ROBO1: variants seen among roughly 807,000 people sequenced by gnomAD.
ROBO1 encodes roundabout homolog 1.
In ROBO1, 149 loss-of-function variants were observed where a neutral mutation model predicts 195.9. That is an observed-to-expected ratio of 0.76 (90% CI 0.67 to 0.87). The LOEUF (loss-of-function observed/expected upper bound fraction) is 0.87. ROBO1 is among the 40% of genes least tolerant of loss of function. ROBO1 has a pLI of 0.00. For synonymous variants in ROBO1, 816 were observed against 733.2 expected (o/e 1.11, Z -1.82); for missense variants, 1,933 against 2,068.3 (o/e 0.93, Z 1.27).
chr3:79,311,772 A>C (rs2033496383), intron 2 of ROBO1, among the ~76,000 whole-genome samples: 1 of 152,114 alleles, frequency 6.6e-6, no homozygotes, highest in African/African-American at 2.4e-5. Context: ...CAGCATAGTA[A>C]ATCTACAAGG....
chr3:79,711,932 T>TGG (rs887380107), intron 1 of ROBO1, among the ~76,000 whole-genome samples: 3 of 129,108 alleles, frequency 2.3e-5, no homozygotes, highest in Non-Finnish European at 3.3e-5. Flanking sequence ...GGCGGGTGGG[T>TGG]GGGGGAGCAC....
chr3:79,291,703 C>A (rs1339698441), intron 2 of ROBO1, among the ~76,000 whole-genome samples: 4 of 152,106 alleles, frequency 2.6e-5, no homozygotes, highest in Non-Finnish European at 5.9e-5. Context: ...TTATATAAAT[C>A]CTTGTGAATT....
At chr3:78,658,631 C>T (rs971877312) in intron 17 of ROBO1, among the ~76,000 whole-genome samples, 1 of 152,152 alleles carries the variant, frequency 6.6e-6, no homozygotes, top group Non-Finnish European at 1.5e-5. Context: ...ATACCATTAA[C>T]TTTAAGTAGA....
At chr3:79,196,521 G>A (rs947502381) in intron 2 of ROBO1, among the ~76,000 whole-genome samples, 1 of 151,716 alleles carries the variant, frequency 6.6e-6, no homozygotes, top group African/African-American at 2.4e-5. Context: ...GGCTCACAGA[G>A]TTCTTCTCAA....
At chr3:79,151,680 T>A (rs927488203) in intron 2 of ROBO1, among the ~76,000 whole-genome samples, 1 of 151,826 alleles carries the variant, frequency 6.6e-6, no homozygotes, top group Admixed American at 6.6e-5. Flanking sequence ...GCCTGCAACA[T>A]CTTTCACACC....
chr3:78,929,803 C>T (rs1178050585), intron 4 of ROBO1, among the ~76,000 whole-genome samples: 1 of 152,072 alleles, frequency 6.6e-6, no homozygotes, highest in African/African-American at 2.4e-5. Flanking sequence ...CTGTGCTTGA[C>T]CGAGAAACAA....
intron 1 of ROBO1, among the ~76,000 whole-genome samples, chr3:79,646,426 T>C (rs559710611): frequency 6.6e-6 from 1 of 152,230 alleles, no homozygotes; most frequent in Non-Finnish European, 1.5e-5. Flanking sequence ...CTAACGAGCA[T>C]GTGGAGAAAG....
intron 8 of ROBO1, among the ~76,000 whole-genome samples, chr3:78,689,162 G>C (rs2081115891): frequency 6.6e-6 from 1 of 152,072 alleles, no homozygotes; most frequent in Non-Finnish European, 1.5e-5. Context: ...GATGCAGGCA[G>C]GTCTTAAAAT....
intron 2 of ROBO1, among the ~76,000 whole-genome samples, chr3:79,478,855 T>A (rs1938680624): frequency 6.6e-6 from 1 of 152,206 alleles, no homozygotes; most frequent in South Asian, 2.1e-4. Context: ...TGAGATTTTT[T>A]AACTGCTAGG....
intron 1 of ROBO1, among the ~76,000 whole-genome samples, chr3:79,762,339 T>G (rs2107525846): frequency 6.6e-6 from 1 of 152,182 alleles, no homozygotes; most frequent in Non-Finnish European, 1.5e-5. Context: ...TCTAGTCATC[T>G]CCCAAAGGCC....
intron 1 of ROBO1, among the ~76,000 whole-genome samples, chr3:79,671,813 C>A (rs1946640934): frequency 2.0e-5 from 3 of 151,776 alleles, no homozygotes; most frequent in Admixed American, 6.6e-5. Context: ...TAACAGATGC[C>A]AATTAGCATA....
At chr3:78,655,770 T>C (rs1236291831) in intron 18 of ROBO1, among the ~76,000 whole-genome samples, 3 of 152,218 alleles carry the variant, frequency 2.0e-5, no homozygotes, top group African/African-American at 7.2e-5. Flanking sequence ...TAGTATGTAA[T>C]TGTGAATTAC....
intron 2 of ROBO1, among the ~76,000 whole-genome samples, chr3:79,336,735 A>G (rs1173812824): frequency 6.6e-6 from 1 of 152,168 alleles, no homozygotes; most frequent in Admixed American, 6.5e-5. Context: ...CAAGAATGGT[A>G]GATACATTGA....
rs544305688 is a variant in ROBO1, at chr3:78,691,370, T to C, written c.1046-2598A>G. ...ATCATTTATGTTCAGGGGTAAAAATTTGGAAAATTAGACAAAGGGAAGAAA... is the reference window on the plus strand; with the variant it reads ...ATCATTTATGTTCAGGGGTAAAAATCTGGAAAATTAGACAAAGGGAAGAAA... On this transcript the variant is annotated intron_variant, in intron 8 of 30. Coordinates refer to ENST00000464233, the MANE Select transcript of ROBO1 (RefSeq NM_002941.4). Among the ~76,000 whole-genome samples the C allele has an allele frequency of 2.0e-5, 3 of 152,106 alleles. No homozygotes were observed. The East Asian group carries it at 5.8e-4, about 29-fold the overall frequency.
intron 2 of ROBO1, among the ~76,000 whole-genome samples, chr3:79,187,650 T>C (rs2081465205): frequency 6.6e-6 from 1 of 151,946 alleles, no homozygotes; most frequent in South Asian, 2.1e-4. Context: ...CAGGATTAGC[T>C]CACTCTGCCA....
At chr3:79,731,542 C>A (rs1367290544) in intron 1 of ROBO1, among the ~76,000 whole-genome samples, 1 of 151,902 alleles carries the variant, frequency 6.6e-6, no homozygotes, top group Non-Finnish European at 1.5e-5. Flanking sequence ...GCTGTCTATC[C>A]CAAAACATCC....
chr3:79,407,780 T>C (rs1355880448), intron 2 of ROBO1, among the ~76,000 whole-genome samples: 1 of 152,128 alleles, frequency 6.6e-6, no homozygotes, highest in Non-Finnish European at 1.5e-5. Flanking sequence ...TGTTAAATTA[T>C]TATATACTTT....
chr3:79,534,151 A>G (rs1377586161), intron 2 of ROBO1, among the ~76,000 whole-genome samples: 15 of 33,920 alleles, frequency 4.4e-4, no homozygotes, highest in African/African-American at 1.6e-3. Flanking sequence ...GGGAAGGCAA[A>G]AAAAAAAAAA....
chr3:79,549,521 C>A (rs1942396814), intron 2 of ROBO1, among the ~76,000 whole-genome samples: 1 of 152,064 alleles, frequency 6.6e-6, no homozygotes, highest in Admixed American at 6.6e-5. Context: ...CTGTATTAAA[C>A]ATGTACAGCC....
Sources: gnomAD v4.1 joint callset for allele counts (sites outside exome capture counted in the v4.1 genomes callset) on GRCh38, gnomAD v4.1.1 for gene constraint, MANE v1.5 for transcripts, NCBI Gene and HGNC (gene_info 2026-07-23, HGNC 2026-07-21) for gene names.